ZNF782: variants seen among roughly 807,000 people sequenced by gnomAD.
ZNF782 encodes the protein zinc finger protein 782.
Under a neutral mutation model 13.0 loss-of-function variants are expected in ZNF782, and 12 were observed. The observed-to-expected ratio is 0.92, with a 90% CI of 0.59 to 1.50. ZNF782 has a LOEUF of 1.50. ZNF782 is among the 40% of genes most tolerant of loss of function. The pLI is 0.00. For missense variants in ZNF782, 770 were observed against 822.9 expected, an observed-to-expected ratio of 0.94 and a Z score of 0.79; for synonymous variants, 284 against 283.0, an observed-to-expected ratio of 1.00 and a Z score of -0.04.
Position 96,818,126 on chromosome 9 carries a change from G to T in ZNF782, c.1897C>A (p.Leu633Ile). 1 of 1,613,918 alleles carries T rather than the reference G, an allele frequency of 6.2e-7. No homozygotes were observed. Among genetic ancestry groups the T allele is most frequent in the Non-Finnish European group, 8.5e-7 (1 of 1,179,964 alleles). Reference sequence around the variant, plus strand: ...GTGTGAGTTCGCTGATGTTTTCTTAGGACTGACTTCTCACTGAAAGCTTTT... The same window carrying T: ...GTGTGAGTTCGCTGATGTTTTCTTATGACTGACTTCTCACTGAAAGCTTTT... ...CGKAFSEKSVLRKHQRTHTGE... is the reference protein window; with the variant it reads ...CGKAFSEKSVIRKHQRTHTGE... Residue 633 changes from leucine (L) to isoleucine (I), a missense_variant, in exon 6 of 6, where the codon CTA (leucine) becomes ATA (isoleucine). By Grantham distance (5) the Leu-to-Ile change is conservative. Transcript: ENST00000481138.
the ZNF782 span, among the ~76,000 whole-genome samples, chr9:96,926,510 GAGGACAAA>G: frequency 6.6e-6 from 1 of 152,066 alleles, no homozygotes; most frequent in Non-Finnish European, 1.5e-5. Flanking sequence ...CTCTGTCTCG[GAGGACAAA>G]AGGCCTGGGA....
intron 1 of ZNF782, among the ~76,000 whole-genome samples, chr9:96,861,779 T>A (rs1851704575): frequency 6.6e-6 from 1 of 152,198 alleles, no homozygotes; most frequent in Admixed American, 6.5e-5. Context: ...CTGGTGAGGA[T>A]ATAGAGAAGA....
chr9:96,833,866 G>T (rs966894427), intron 4 of ZNF782, among the ~76,000 whole-genome samples: 1 of 151,596 alleles, frequency 6.6e-6, no homozygotes, highest in African/African-American at 2.4e-5. Context: ...TCATACTTTG[G>T]GTTATGAACC....
chr9:96,924,883 G>A, the ZNF782 span, among the ~76,000 whole-genome samples: 1 of 152,214 alleles, frequency 6.6e-6, no homozygotes, highest in East Asian at 1.9e-4. Flanking sequence ...GCGCGGCCTG[G>A]GCGTCCCGCA....
chr9:96,861,025 T>C (rs1851697029), intron 2 of ZNF782, among the ~76,000 whole-genome samples: 1 of 152,186 alleles, frequency 6.6e-6, no homozygotes, highest in South Asian at 2.1e-4. Flanking sequence ...GAGAGGAGGA[T>C]TGCTTGAGCC....
the ZNF782 span, among the ~76,000 whole-genome samples, chr9:96,922,730 C>T: frequency 8.0e-4 from 121 of 151,460 alleles, no homozygotes; most frequent in Middle Eastern, 3.4e-3. Context: ...GCCGAGATCA[C>T]GCCACTGCAC....
At chr9:96,903,798 G>A in the ZNF782 span, among the ~76,000 whole-genome samples, 6 of 151,850 alleles carry the variant, frequency 4.0e-5, no homozygotes, top group Admixed American at 3.9e-4. Context: ...TCCTGACCTT[G>A]TGATCCACCT....
intron 1 of ZNF782, among the ~76,000 whole-genome samples, chr9:96,871,404 C>G (rs1480415460): frequency 6.6e-6 from 1 of 152,110 alleles, no homozygotes. Flanking sequence ...AGCAATCCTC[C>G]CATGTCAGCC....
At chr9:96,869,593 C>T (rs370486286) in intron 1 of ZNF782, among the ~76,000 whole-genome samples, 1 of 152,054 alleles carries the variant, frequency 6.6e-6, no homozygotes, top group Non-Finnish European at 1.5e-5. Context: ...GGGATTCTAC[C>T]GGAAATGATA....
intron 4 of ZNF782, among the ~76,000 whole-genome samples, chr9:96,830,087 G>T (rs2118505058): frequency 6.6e-6 from 1 of 152,256 alleles, no homozygotes; most frequent in South Asian, 2.1e-4. Flanking sequence ...GGAAAAACAA[G>T]ACAAAACATA....
chr9:96,878,352 C>T (rs1851919370), upstream of ZNF782, among the ~76,000 whole-genome samples: 1 of 152,138 alleles, frequency 6.6e-6, no homozygotes, highest in Non-Finnish European at 1.5e-5. Flanking sequence ...GTCCGGACTC[C>T]CTTGCTTATT....
At chr9:96,843,439 T>C (rs1588164149) in intron 4 of ZNF782, among the ~76,000 whole-genome samples, 1 of 152,328 alleles carries the variant, frequency 6.6e-6, no homozygotes, top group South Asian at 2.1e-4. Flanking sequence ...AAATACTGTA[T>C]GATTCCACTT....
At chr9:96,843,965 TTGAC>T (rs1851266510) in intron 4 of ZNF782, among the ~76,000 whole-genome samples, 2 of 152,144 alleles carry the variant, frequency 1.3e-5, no homozygotes, top group Admixed American at 1.3e-4. Context: ...AGCTAAAGAT[TTGAC>T]TGGTCACTTA....
intron 1 of ZNF782, among the ~76,000 whole-genome samples, chr9:96,864,615 C>T (rs148852600): frequency 6.6e-6 from 1 of 152,122 alleles, no homozygotes; most frequent in East Asian, 1.9e-4. Context: ...AATTTTAAAA[C>T]CAAGAAACCA....
In ZNF782 at chr9:96,816,634, T is replaced by A. The variant is rs1481730700; in HGVS notation, c.*1289A>T. 1.3e-5 allele frequency: 2 copies of A among 152,212 alleles called. No homozygotes were observed. Among genetic ancestry groups the A allele is most frequent in the Non-Finnish European group, 2.9e-5 (2 of 68,038 alleles). 9.4% of individuals were successfully genotyped at this position (152,212 alleles called of 1,614,324 possible). A position where few individuals can be genotyped will look rare whatever the true frequency, so the allele number is the denominator to read the frequency against. On this transcript the variant is annotated 3_prime_UTR_variant, in exon 6 of 6. Transcript: ENST00000481138. ...TTACCTTTCTCAAATTGATAGATTT[T>A]CTCCTTGTAACAAGCTCTGATATAA...
chr9:96,835,832 T>A (rs1246303238), intron 4 of ZNF782, among the ~76,000 whole-genome samples: 20 of 152,184 alleles, frequency 1.3e-4, no homozygotes. Context: ...GCAGAGACCC[T>A]CTGCTAGGGC....
rs143808547 is a variant in ZNF782, at chr9:96,832,515, G to A, written c.143-5334C>T. Among the ~76,000 whole-genome samples the A allele has an allele frequency of 1.9e-3, 285 of 152,076 alleles. 4 individuals are homozygous for A. Among genetic ancestry groups the A allele is most frequent in the Middle Eastern group, 0.014 (4 of 294 alleles). ...AGAACTTCCTTCCTTCCATTCTTTC[G>A]GGGTAGGTATGCTGGCAATAAACTC... On this transcript the variant is annotated intron_variant, in intron 4 of 5. Transcript: ENST00000481138.
exon 1 of ZNF782, chr9:96,875,621 A>C (rs1851883289): frequency 2.2e-6 from 1 of 456,304 alleles, no homozygotes; most frequent in Non-Finnish European, 4.4e-6. Flanking sequence ...CAAGGTTCGC[A>C]CTGAACACCT....
upstream of ZNF782, among the ~76,000 whole-genome samples, chr9:96,856,725 AT>A (rs1264281610): frequency 6.6e-6 from 1 of 150,422 alleles, no homozygotes; most frequent in Non-Finnish European, 1.5e-5. Flanking sequence ...AAAGTAATTC[AT>A]GAGTAACCCT....
Sources: allele counts gnomAD v4.1 joint callset (sites outside exome capture counted in the v4.1 genomes callset), GRCh38; gene constraint gnomAD v4.1.1; transcripts MANE v1.5; gene names NCBI Gene and HGNC (gene_info 2026-07-23, HGNC 2026-07-21).